PRIM2: variants seen among roughly 807,000 people sequenced by gnomAD.
PRIM2 encodes DNA primase subunit 2.
In PRIM2, 39 loss-of-function variants were observed where a neutral mutation model predicts 67.3. That is an observed-to-expected ratio of 0.58 (90% CI 0.45 to 0.76). The LOEUF is 0.76. Among genes scored for constraint, PRIM2 ranks in the 30% least tolerant of loss-of-function variants. The pLI, the probability that PRIM2 is intolerant of heterozygous loss-of-function variation, is 0.00. For synonymous variants in PRIM2, 143 were observed against 198.7 expected (o/e 0.72, Z 2.36); for missense variants, 398 against 598.7 (o/e 0.66, Z 3.50).
At chr6:57,563,888 T>G (rs1474467192) in intron 10 of PRIM2, among the ~76,000 whole-genome samples, 1 of 152,206 alleles carries the variant, frequency 6.6e-6, no homozygotes, top group Non-Finnish European at 1.5e-5. Flanking sequence ...CTCAAACTCC[T>G]GCTCTGGTGA....
chr6:57,609,285 A>T (rs1245325901), intron 12 of PRIM2, among the ~76,000 whole-genome samples: 1 of 152,218 alleles, frequency 6.6e-6, no homozygotes, highest in African/African-American at 2.4e-5. Flanking sequence ...CCCCTCAGCA[A>T]TGTGGGAACA....
chr6:57,316,069 GGA>G (rs903588095), upstream of PRIM2, among the ~76,000 whole-genome samples: 3 of 152,146 alleles, frequency 2.0e-5, no homozygotes, highest in African/African-American at 7.2e-5. Context: ...AGTGGGGCCT[GGA>G]GAGTTTCTCT....
rs1301611036 is a variant in PRIM2 at position 57,586,174 on chromosome 6, C to T, written c.1021-14919C>T. Among the ~76,000 whole-genome samples, 21 of 152,248 alleles carry T rather than the reference C, an allele frequency of 1.4e-4. 1 individual carries two copies. The East Asian group carries it at 2.5e-3, about 18-fold the overall frequency. Reference sequence around the variant, plus strand: ...GGGATTAGTAAGATTAGAGAGGTAGCGAGATCCATTCCAGTTGGCTGGTAA... The same window carrying T: ...GGGATTAGTAAGATTAGAGAGGTAGTGAGATCCATTCCAGTTGGCTGGTAA... On this transcript the variant is annotated intron_variant, in intron 10 of 13. Transcript: ENST00000615550.
chr6:57,538,284 G>A (rs1775041805), intron 10 of PRIM2, among the ~76,000 whole-genome samples: 1 of 152,156 alleles, frequency 6.6e-6, no homozygotes, highest in Non-Finnish European at 1.5e-5. Flanking sequence ...TTGGCGTGCT[G>A]AAGGGTTGTG....
the PRIM2 span, among the ~76,000 whole-genome samples, chr6:57,262,167 G>A: frequency 5.3e-5 from 8 of 152,242 alleles, no homozygotes; most frequent in East Asian, 1.5e-3. Context: ...TTCTGATTCA[G>A]TCACTTACAG....
chr6:57,534,725 T>C (rs2127469138), intron 9 of PRIM2, among the ~76,000 whole-genome samples: 1 of 152,326 alleles, frequency 6.6e-6, no homozygotes, highest in South Asian at 2.1e-4. Flanking sequence ...TGCTCATCAT[T>C]TCTATTTTAT....
rs190392413 is a variant in PRIM2, at chr6:57,348,371, A to G, written c.459+22326A>G. Among the ~76,000 whole-genome samples, 736 of 152,336 alleles carry G rather than the reference A, an allele frequency of 4.8e-3. 9 individuals are homozygous for G. Among genetic ancestry groups the G allele is most frequent in the African/African-American group, 0.017 (706 of 41,576 alleles). ...AAAAAATATATTTTTAAAATTTTAA[A>G]TTAAGTTTTATCAGGCAGTAGATTT... is the stretch of plus-strand genomic sequence containing the variant. On this transcript the variant is annotated intron_variant, in intron 5 of 13. Coordinates refer to ENST00000615550, the MANE Select transcript of PRIM2 (RefSeq NM_000947.5).
the PRIM2 span, among the ~76,000 whole-genome samples, chr6:57,240,089 C>CTGGTT: frequency 1.1e-5 from 1 of 92,074 alleles, no homozygotes; most frequent in African/African-American, 4.9e-5. Flanking sequence ...GATCAATAAT[C>CTGGTT]TGTTTTTTTT....
the PRIM2 span, among the ~76,000 whole-genome samples, chr6:57,264,672 C>T: frequency 1.6e-4 from 24 of 149,236 alleles, no homozygotes; most frequent in Non-Finnish European, 1.2e-4. Flanking sequence ...TCTTGGCTCA[C>T]GGCAACCTCC....
intron 7 of PRIM2, among the ~76,000 whole-genome samples, chr6:57,393,007 T>A (rs1770405722): frequency 6.6e-6 from 1 of 151,230 alleles, no homozygotes; most frequent in Non-Finnish European, 1.5e-5. Flanking sequence ...TTATTATATA[T>A]ATATATACAT....
At chr6:57,489,535 C>T (rs1352973556) in intron 7 of PRIM2, among the ~76,000 whole-genome samples, 8 of 150,078 alleles carry the variant, frequency 5.3e-5, no homozygotes, top group Middle Eastern at 3.4e-3. Context: ...CCAGCCTGGG[C>T]GACAGAGTGA....
At chr6:57,509,918 A>G (rs1364411581) in intron 8 of PRIM2, among the ~76,000 whole-genome samples, 2 of 151,098 alleles carry the variant, frequency 1.3e-5, no homozygotes, top group Admixed American at 6.6e-5. Context: ...AGATGTATAT[A>G]CATACGCAAA....
chr6:57,597,335 A>G (rs1451839160), intron 10 of PRIM2, among the ~76,000 whole-genome samples: 3 of 151,052 alleles, frequency 2.0e-5, no homozygotes, highest in Non-Finnish European at 4.4e-5. Context: ...GGACATTTTA[A>G]GAAGATGACT....
chr6:57,401,313 G>T (rs1183299092), intron 7 of PRIM2, among the ~76,000 whole-genome samples: 2 of 151,928 alleles, frequency 1.3e-5, no homozygotes, highest in Non-Finnish European at 2.9e-5. Context: ...TTTTCACAGG[G>T]CCAAGCCTTT....
intron 5 of PRIM2, among the ~76,000 whole-genome samples, chr6:57,363,182 G>T (rs4352673): frequency 6.6e-6 from 1 of 152,156 alleles, no homozygotes; most frequent in Non-Finnish European, 1.5e-5. Context: ...TCAGTAGTTA[G>T]TATTTCCCAA....
chr6:57,365,528 C>T (rs9475884), intron 5 of PRIM2, among the ~76,000 whole-genome samples: 1 of 152,048 alleles, frequency 6.6e-6, no homozygotes, highest in East Asian at 1.9e-4. Context: ...AATTTTTAGT[C>T]TTTTGGGGTT....
intron 3 of PRIM2, among the ~76,000 whole-genome samples, chr6:57,321,982 G>A (rs1767674899): frequency 6.6e-6 from 1 of 152,144 alleles, no homozygotes; most frequent in Admixed American, 6.5e-5. Context: ...ATTGTACAGT[G>A]TCCATTGGAT....
intron 12 of PRIM2, among the ~76,000 whole-genome samples, chr6:57,616,786 TAC>T (rs1463862190): frequency 2.0e-5 from 3 of 152,210 alleles, no homozygotes; most frequent in Non-Finnish European, 4.4e-5. Flanking sequence ...AAGAAAACCT[TAC>T]ACCTATTAAA....
At chr6:57,315,464 CA>C (rs1037515413), upstream of PRIM2, among the ~76,000 whole-genome samples, 8 of 152,094 alleles carry the variant, frequency 5.3e-5, no homozygotes, top group Non-Finnish European at 1.0e-4. Flanking sequence ...TGAAGAGCCT[CA>C]GGGGTTTAAA....
Sources: gnomAD v4.1 joint callset for allele counts (sites outside exome capture counted in the v4.1 genomes callset) on GRCh38, gnomAD v4.1.1 for gene constraint, MANE v1.5 for transcripts, NCBI Gene and HGNC (gene_info 2026-07-23, HGNC 2026-07-21) for gene names.